The following CYP3A5 variants were observed in gnomAD, a reference collection of about 807,000 sequenced individuals.
The protein encoded by CYP3A5 is cytochrome P450 family 3 subfamily A member 5.
A neutral mutation model predicts 55.9 loss-of-function variants in CYP3A5; 51 were observed. The ratio of observed to expected loss-of-function variants is 0.91; its 90% confidence interval spans 0.73 to 1.15. The LOEUF is 1.15. CYP3A5 is among the 50% of genes most tolerant of loss of function. CYP3A5 has a pLI of 0.00. For missense variants in CYP3A5, 533 were observed against 596.6 expected, an observed-to-expected ratio of 0.89 and a Z score of 1.11; for synonymous variants, 196 against 213.9, an observed-to-expected ratio of 0.92 and a Z score of 0.73.
In CYP3A5 at chr7:99,679,981, C is replaced by G. The variant is rs1389476349; in HGVS notation, c.-85G>C. 6.8e-6 allele frequency: 8 copies of G among 1,182,738 alleles called. No individual in the cohort carries two copies. Among genetic ancestry groups the G allele is most frequent in the Middle Eastern group, 3.8e-4 (2 of 5,278 alleles). 73.3% of individuals were successfully genotyped at this position (1,182,738 alleles called of 1,614,324 possible). On this transcript the variant is annotated 5_prime_UTR_variant, in exon 1 of 13. Transcript: ENST00000222982. ...TTGCTGGGCTGTTTGCCTGGAGCTT[C>G]CCTGCCCTGCACAGCAGTCTTCAGC...
chr7:99,663,005 A>C, intron 8 of CYP3A5, 123 bp from the exon 9 acceptor site: 2 of 1,483,246 alleles, frequency 1.3e-6, no homozygotes, highest in Non-Finnish European at 1.8e-6. Flanking sequence ...TGGCTTCTTG[A>C]AGACGTGTTA....
intron 10 of CYP3A5, among the ~76,000 whole-genome samples, chr7:99,658,274 C>G (rs1809987839): frequency 6.6e-6 from 1 of 152,116 alleles, no homozygotes; most frequent in Non-Finnish European, 1.5e-5. Context: ...TAGGGCAGGC[C>G]TGGTGGTGAC....
In CYP3A5 at chr7:99,652,702, T is replaced by C; in HGVS notation, c.1104A>G (p.Pro368=). ...MVVNETLRLF[P]VAIRLERTCK... ...AAGTCCTCTCAAGTCTAATAGCAAC[T>C]GGGAATAATCTGAGTGTTTCATTCA... is the stretch of plus-strand genomic sequence containing the variant. The change falls in exon 11 of 13, where the codon CCA becomes CCG. Residue 368 remains proline, a synonymous_variant. Transcript: ENST00000222982. 6.2e-7 allele frequency: 1 copy of C among 1,614,132 alleles called. No individual in the cohort carries two copies. Among genetic ancestry groups the C allele is most frequent in the Non-Finnish European group, 8.5e-7 (1 of 1,180,018 alleles).
intron 6 of CYP3A5, 150 bp from the exon 7 acceptor site, chr7:99,665,464 C>T (rs1810908419): frequency 2.5e-6 from 3 of 1,211,984 alleles, no homozygotes; most frequent in Non-Finnish European, 2.3e-6. Context: ...CATCTACTCC[C>T]TCAGAAGGTG....
intron 10 of CYP3A5, among the ~76,000 whole-genome samples, 159 bp from the exon 11 acceptor site, chr7:99,652,938 T>G (rs901741217): frequency 6.6e-6 from 1 of 152,174 alleles, no homozygotes. Context: ...GCATGTCCAT[T>G]GATGTGCTCA....
chr7:99,678,302 A>C (rs1462631181), intron 1 of CYP3A5, among the ~76,000 whole-genome samples: 1 of 152,204 alleles, frequency 6.6e-6, no homozygotes. Flanking sequence ...AGGACCCATG[A>C]ATATCTCTTT....
intron 1 of CYP3A5, chr7:99,677,281 T>A (rs755484135): frequency 2.6e-4 from 260 of 982,572 alleles, no homozygotes; most frequent in Non-Finnish European, 2.9e-4. Context: ...TGCCAGACAC[T>A]GATTCAGCTG....
In CYP3A5 at chr7:99,650,232, C is replaced by A. The variant is rs1809038481; in HGVS notation, c.1254G>T (p.Arg418Ser). 3.1e-6 allele frequency: 5 copies of A among 1,612,820 alleles called. No individual in the cohort carries two copies. In the African/African-American group the frequency reaches 6.7e-5, roughly 22 times the overall value. Residue 418 changes from arginine (R) to serine (S), a missense_variant and splice_region_variant, in exon 12 of 13, where the codon AGG becomes AGT. Arg to Ser is a moderately radical substitution (Grantham distance 110). Coordinates refer to ENST00000222982, the MANE Select transcript of CYP3A5 (RefSeq NM_000777.5). The part of the protein sequence containing the change: ...WTEPEEFRPE[R>S]FSKKKDSIDP... ...CTATGCTGTCCTTCTTCTTACTGAA[C>A]CTAGTTCCATATTGGTAGATTAAAT...
chr7:99,655,571 T>C (rs1357769254), intron 10 of CYP3A5, among the ~76,000 whole-genome samples: 1 of 152,240 alleles, frequency 6.6e-6, no homozygotes, highest in Non-Finnish European at 1.5e-5. Flanking sequence ...GGCTCTTTTT[T>C]GGTTCCATAT....
intron 12 of CYP3A5, among the ~76,000 whole-genome samples, chr7:99,649,745 T>A (rs1045501646): frequency 1.1e-4 from 16 of 152,208 alleles, no homozygotes; most frequent in Admixed American, 9.8e-4. Context: ...AGAACACCAT[T>A]TAAGTCACAG....
chr7:99,672,684 G>T lies in CYP3A5; in HGVS notation c.219-5C>A. 1 of 1,614,008 alleles carries T rather than the reference G, an allele frequency of 6.2e-7. No homozygotes were observed. The highest frequency in any genetic ancestry group is 1.7e-4 in the Middle Eastern group (1 of 6,060). ...GGGAGTTGACCTTCATACGTTCTGTGTGGGGACAACGGAGCTGATTAAACT... is the reference window on the plus strand; with the variant it reads ...GGGAGTTGACCTTCATACGTTCTGTTTGGGGACAACGGAGCTGATTAAACT... On this transcript the variant is annotated splice_region_variant and splice_polypyrimidine_tract_variant and intron_variant, in intron 3 of 12. Coordinates refer to ENST00000222982, the MANE Select transcript of CYP3A5 (RefSeq NM_000777.5).
At chr7:99,669,999 A>G (rs548639843) in intron 4 of CYP3A5, among the ~76,000 whole-genome samples, 238 of 152,342 alleles carry the variant, frequency 1.6e-3, no homozygotes, top group African/African-American at 5.4e-3. Flanking sequence ...AGATAACGTC[A>G]TGCAAATTGT....
chr7:99,656,114 A>G (rs1294750072), intron 10 of CYP3A5, among the ~76,000 whole-genome samples: 1 of 152,122 alleles, frequency 6.6e-6, no homozygotes, highest in Non-Finnish European at 1.5e-5. Flanking sequence ...TTCCAACACT[A>G]TGTTGAATAG....
rs913251992 is a variant in CYP3A5 at position 99,664,130 on chromosome 7, T to G, written c.671-35A>C. ...AAACAAAACAAACAAAAGGAAATCA[T>G]TGAAAATGCAAACTTTACCTGGAGC... On this transcript the variant is annotated intron_variant, in intron 7 of 12. Transcript: ENST00000222982. 6 of 1,515,680 alleles carry G rather than the reference T, an allele frequency of 4.0e-6. No individual in the cohort carries two copies. The Admixed American group carries it at 6.8e-5, about 17-fold the overall frequency. 93.9% of individuals were successfully genotyped at this position (1,515,680 alleles called of 1,614,324 possible).
chr7:99,663,556 G>A, intron 8 of CYP3A5: 2 of 993,878 alleles, frequency 2.0e-6, no homozygotes, highest in South Asian at 9.2e-5. Context: ...TAGCCTCATA[G>A]GACCTTTAAT....
chr7:99,661,857 A>C (rs1810481922), intron 9 of CYP3A5, among the ~76,000 whole-genome samples: 1 of 152,268 alleles, frequency 6.6e-6, no homozygotes, highest in Non-Finnish European at 1.5e-5. Flanking sequence ...GGTAGCCACT[A>C]TCCACATGTG....
At position 99,650,233 on chromosome 7, in the gene CYP3A5, C is replaced by T; in HGVS notation, c.1254-1G>A. 6.2e-7 allele frequency: 1 copy of T among 1,612,914 alleles called. No individual in the cohort carries two copies. The highest frequency in any genetic ancestry group is 8.5e-7 in the Non-Finnish European group (1 of 1,179,330). On this transcript the variant is annotated splice_acceptor_variant, in intron 11 of 12. Coordinates refer to ENST00000222982, the MANE Select transcript of CYP3A5 (RefSeq NM_000777.5). LOFTEE classifies it high-confidence loss of function. ...TATGCTGTCCTTCTTCTTACTGAAC[C>T]TAGTTCCATATTGGTAGATTAAATA...
intron 8 of CYP3A5, chr7:99,663,261 G>GTA: frequency 9.8e-7 from 1 of 1,018,478 alleles, no homozygotes; most frequent in Non-Finnish European, 1.2e-6. Context: ...AGCAGTGTCC[G>GTA]TATAGATTAA....
At chr7:99,671,552 C>A in intron 4 of CYP3A5, 2 of 354,930 alleles carry the variant, frequency 5.6e-6, no homozygotes, top group South Asian at 5.4e-5. Context: ...GAAAATGAAC[C>A]TTGATCTAAA....
Sources: gnomAD v4.1 joint callset for allele counts (sites outside exome capture counted in the v4.1 genomes callset) on GRCh38, gnomAD v4.1.1 for gene constraint, MANE v1.5 for transcripts, NCBI Gene and HGNC (gene_info 2026-07-23, HGNC 2026-07-21) for gene names.